PDXDC1: variants seen among roughly 807,000 people sequenced by gnomAD.
PDXDC1 encodes pyridoxal-dependent decarboxylase domain-containing protein 1.
A neutral mutation model predicts 100.1 loss-of-function variants in PDXDC1; 42 were observed. That is an observed-to-expected ratio of 0.42 (90% CI 0.33 to 0.54). The LOEUF is 0.54. PDXDC1 is among the 20% of genes least tolerant of loss of function. PDXDC1 has a pLI of 0.10. For missense variants in PDXDC1, 636 were observed against 979.2 expected, an observed-to-expected ratio of 0.65 and a Z score of 4.68; for synonymous variants, 260 against 371.7, an observed-to-expected ratio of 0.70 and a Z score of 3.46.
chr16:15,064,234 G>A (rs780785290), intron 16 of PDXDC1, among the ~76,000 whole-genome samples: 17 of 151,488 alleles, frequency 1.1e-4, no homozygotes, highest in Non-Finnish European at 2.5e-4. Context: ...GGAGTGCATT[G>A]GTGCAATCTC....
chr16:15,032,667 AAAG>A, intron 17 of PDXDC1, 191 bp from the exon 18 acceptor site: 1 of 501,640 alleles, frequency 2.0e-6, no homozygotes, highest in East Asian at 3.4e-5. Context: ...AAAAAAAAAA[AAAG>A]GCTTTCCTGT....
chr16:15,004,402 G>A (rs1973836680), intron 5 of PDXDC1, 69 bp downstream of exon 5: 3 of 1,582,504 alleles, frequency 1.9e-6, no homozygotes, highest in Non-Finnish European at 2.6e-6. Flanking sequence ...TCTTTTTTCT[G>A]GAGCTGTACT....
At chr16:15,128,830 G>C (rs1260543426) in intron 16 of PDXDC1, among the ~76,000 whole-genome samples, 2 of 149,580 alleles carry the variant, frequency 1.3e-5, no homozygotes, top group East Asian at 4.0e-4. Flanking sequence ...TTTTGAGATG[G>C]AGTCTTGCTG....
intron 8 of PDXDC1, among the ~76,000 whole-genome samples, chr16:15,014,825 A>G (rs530920642): frequency 2.0e-5 from 3 of 152,404 alleles, no homozygotes; most frequent in East Asian, 3.9e-4. Context: ...CTGTAGTGCA[A>G]TCAATTACCA....
At chr16:15,086,371 A>G in intron 16 of PDXDC1, 2 of 1,613,762 alleles carry the variant, frequency 1.2e-6, no homozygotes, top group Non-Finnish European at 1.7e-6. Flanking sequence ...TTACTAATAT[A>G]ATACTGATAA....
intron 12 of PDXDC1, among the ~76,000 whole-genome samples, chr16:15,022,052 A>G (rs1317884789): frequency 6.6e-6 from 1 of 152,290 alleles, no homozygotes; most frequent in African/African-American, 2.4e-5. Context: ...CTCAGTGAAT[A>G]TCTGTTGAAT....
In PDXDC1 at chr16:15,091,041, T is replaced by C. The variant is rs4012871; in HGVS notation, c.1400-47838T>C. On this transcript the variant is annotated intron_variant, in intron 16 of 16. Coordinates refer to the PDXDC1 transcript ENST00000535621. ...GATCACTCTTGGTTCTGGGAGGCTG[T>C]CCTGTGCACTGTGAGATGTTTAGCA... Among the ~76,000 whole-genome samples, 4 of 152,192 alleles carry C rather than the reference T, an allele frequency of 2.6e-5. No individual in the cohort carries two copies. In the East Asian group the frequency reaches 7.7e-4, roughly 29 times the overall value.
chr16:15,145,399 G>A, the PDXDC1 span, among the ~76,000 whole-genome samples: 4 of 152,252 alleles, frequency 2.6e-5, no homozygotes, highest in Non-Finnish European at 1.5e-5. Context: ...CAGCTGTGAC[G>A]TTCCCTGGGC....
chr16:15,100,133 T>A (rs1412440868), intron 16 of PDXDC1, among the ~76,000 whole-genome samples: 1 of 152,206 alleles, frequency 6.6e-6, no homozygotes, highest in African/African-American at 2.4e-5. Flanking sequence ...GAATCTTTGC[T>A]GTGAACTAGA....
At chr16:15,133,102 T>C (rs2048186989) in intron 16 of PDXDC1, 3 of 617,590 alleles carry the variant, frequency 4.9e-6, no homozygotes, top group Non-Finnish European at 5.7e-6. Context: ...GCCCGGTGGG[T>C]GTGGCTGCTG....
At chr16:14,983,544 G>T (rs141876238) in intron 1 of PDXDC1, among the ~76,000 whole-genome samples, 1,979 of 118,090 alleles carry the variant, frequency 0.017, 67 homozygotes, top group African/African-American at 0.059. Context: ...CTGTACTCCA[G>T]CCTAGGCGAC....
intron 1 of PDXDC1, among the ~76,000 whole-genome samples, chr16:14,992,524 C>T (rs1208472640): frequency 6.6e-6 from 1 of 152,294 alleles, no homozygotes; most frequent in African/African-American, 2.4e-5. Context: ...ATTCCTCATT[C>T]TCTTCACTGT....
intron 16 of PDXDC1, among the ~76,000 whole-genome samples, chr16:15,073,690 AAT>A (rs1302231111): frequency 2.6e-5 from 4 of 152,234 alleles, no homozygotes; most frequent in Non-Finnish European, 4.4e-5. Context: ...TAAACAGCTG[AAT>A]ATATAGGCAC....
chr16:15,126,236 G>A (rs1686044923), intron 16 of PDXDC1, among the ~76,000 whole-genome samples: 1 of 147,812 alleles, frequency 6.8e-6, no homozygotes, highest in Non-Finnish European at 1.5e-5. Flanking sequence ...GGGTTTCACT[G>A]TGTTGGCCAG....
At chr16:15,043,168 G>A (rs1374889021), downstream of PDXDC1, among the ~76,000 whole-genome samples, 2 of 152,036 alleles carry the variant, frequency 1.3e-5, no homozygotes, top group African/African-American at 2.4e-5. Flanking sequence ...CCAAAGTGCT[G>A]GGATTACAGG....
chr16:15,125,819 C>T (rs754623258), intron 16 of PDXDC1: 26 of 1,058,682 alleles, frequency 2.5e-5, no homozygotes, highest in East Asian at 4.8e-5. Flanking sequence ...TGCAGGACGA[C>T]AGCAGTGGTC....
At chr16:15,140,083 G>A (rs1459074562), downstream of PDXDC1, among the ~76,000 whole-genome samples, 9 of 96,544 alleles carry the variant, frequency 9.3e-5, no homozygotes, top group Admixed American at 5.4e-4. Flanking sequence ...GTGACATAGC[G>A]AGACTCCATC....
In PDXDC1 at chr16:15,035,435, C is replaced by T. The variant is rs1409558970; in HGVS notation, c.2003-14C>T. ...GTGCCTGTAGCTTCTACCCAGCCCT[C>T]TCCTCTCCCGCAGGCTCTCTGGAGT... On this transcript the variant is annotated splice_polypyrimidine_tract_variant and intron_variant, in intron 21 of 22. Coordinates refer to ENST00000396410, the MANE Select transcript of PDXDC1 (RefSeq NM_015027.4). 1 of 1,564,282 alleles carries T rather than the reference C, an allele frequency of 6.4e-7. No individual in the cohort carries two copies. Among genetic ancestry groups the T allele is most frequent in the South Asian group, 1.1e-5 (1 of 87,626 alleles).
intron 16 of PDXDC1, among the ~76,000 whole-genome samples, chr16:15,053,928 CA>C (rs1400472050): frequency 3.3e-5 from 5 of 149,336 alleles, no homozygotes; most frequent in South Asian, 4.1e-4. Flanking sequence ...ACCAACCAAC[CA>C]AACAAACAAA....
Sources: gnomAD v4.1 joint callset for allele counts (sites outside exome capture counted in the v4.1 genomes callset) on GRCh38, gnomAD v4.1.1 for gene constraint, MANE v1.5 for transcripts, NCBI Gene and HGNC (gene_info 2026-07-23, HGNC 2026-07-21) for gene names.